The following ESRRG variants were observed in gnomAD, a reference collection of about 807,000 sequenced individuals.
ESRRG encodes the protein estrogen related receptor gamma, also known as estrogen-related receptor gamma.
A neutral mutation model predicts 44.0 loss-of-function variants in ESRRG; 13 were observed. The ratio of observed to expected loss-of-function variants is 0.30; its 90% CI spans 0.19 to 0.47. ESRRG has a LOEUF of 0.47. Among genes scored for constraint, ESRRG ranks in the 20% least tolerant of loss-of-function variants. ESRRG has a pLI of 1.00. For synonymous variants in ESRRG, 215 were observed against 214.6 expected (o/e 1.00, Z -0.02); for missense variants, 395 against 580.6 (o/e 0.68, Z 3.29).
At chr1:216,645,247 T>G (rs1385169790) in intron 3 of ESRRG, among the ~76,000 whole-genome samples, 1 of 152,116 alleles carries the variant, frequency 6.6e-6, no homozygotes, top group Admixed American at 6.6e-5. Flanking sequence ...AATTTTCAGT[T>G]AAGACAAAAT....
chr1:217,017,262 C>A (rs1890555), intron 1 of ESRRG, among the ~76,000 whole-genome samples: 22,501 of 151,946 alleles, frequency 0.15, 2,171 homozygotes, highest in East Asian at 0.21. Flanking sequence ...GGGGAAAATG[C>A]AATACATTAC....
chr1:216,959,759 A>G (rs1156797205), intron 1 of ESRRG: 6 of 152,122 alleles, frequency 3.9e-5, no homozygotes, highest in Admixed American at 3.9e-4. Flanking sequence ...CGTGAATCAA[A>G]TAGACTTCAT....
intron 1 of ESRRG, among the ~76,000 whole-genome samples, chr1:217,041,275 C>G (rs1467540984): frequency 6.6e-6 from 1 of 152,168 alleles, no homozygotes; most frequent in Admixed American, 6.5e-5. Flanking sequence ...AGCCTGCAAG[C>G]TGTGCCAAAA....
At chr1:216,889,997 G>A (rs1253448678) in intron 2 of ESRRG, among the ~76,000 whole-genome samples, 1 of 152,116 alleles carries the variant, frequency 6.6e-6, no homozygotes, top group African/African-American at 2.4e-5. Context: ...TGGGTATGGT[G>A]GCTCACATCT....
intron 2 of ESRRG, among the ~76,000 whole-genome samples, chr1:216,869,732 C>T (rs1403793345): frequency 1.3e-5 from 2 of 151,782 alleles, no homozygotes; most frequent in South Asian, 4.1e-4. Flanking sequence ...TTATTGCATC[C>T]ATATTTGTAG....
chr1:216,891,307 G>A (rs2057759558), intron 2 of ESRRG, among the ~76,000 whole-genome samples: 3 of 151,996 alleles, frequency 2.0e-5, no homozygotes, highest in South Asian at 2.1e-4. Flanking sequence ...TTAGTAAAAC[G>A]GTGAAGCTTA....
chr1:216,687,047 C>CTG (rs869071444), intron 1 of ESRRG, among the ~76,000 whole-genome samples: 4,674 of 30,994 alleles, frequency 0.15, 207 homozygotes, highest in African/African-American at 0.31. Context: ...GTGTGTGTGT[C>CTG]TGTGTGTGTG....
chr1:216,899,161 T>C (rs951898609), intron 2 of ESRRG, among the ~76,000 whole-genome samples: 1 of 152,202 alleles, frequency 6.6e-6, no homozygotes, highest in African/African-American at 2.4e-5. Context: ...AGAAACTTTA[T>C]AGATAATGAC....
At chr1:216,558,654 TC>T (rs559537182) in intron 5 of ESRRG, among the ~76,000 whole-genome samples, 103 of 152,124 alleles carry the variant, frequency 6.8e-4, no homozygotes, top group African/African-American at 2.4e-3. Flanking sequence ...GTATTTTTTT[TC>T]CTCATTTGAT....
intron 3 of ESRRG, among the ~76,000 whole-genome samples, chr1:216,569,096 G>GGAAGGAAGGAAGGAAGGAAGGAA (rs1553356044): frequency 1.2e-5 from 1 of 80,488 alleles, no homozygotes. Context: ...AAGGAAGGAA[G>GGAAGGAAGGAAGGAAGGAAGGAA]GAAGGAAGGA....
rs146188301 is a variant in ESRRG, at chr1:216,631,776, A to C, written c.589+19197T>G. On this transcript the variant is annotated intron_variant, in intron 3 of 6. Coordinates refer to ENST00000408911, the MANE Select transcript of ESRRG (RefSeq NM_001438.4). ...CACACATACACACATAGTAGAAATAATACAACTGTCTATTCTTTGTGAATA... is the reference window on the plus strand; with the variant it reads ...CACACATACACACATAGTAGAAATACTACAACTGTCTATTCTTTGTGAATA... Among the ~76,000 whole-genome samples the C allele has an allele frequency of 1.3e-4, 20 of 152,314 alleles. No individual in the cohort carries two copies. In the East Asian group the frequency reaches 3.9e-3, roughly 29 times the overall value.
At chr1:216,999,731 G>A (rs79502848) in intron 1 of ESRRG, among the ~76,000 whole-genome samples, 2 of 97,130 alleles carry the variant, frequency 2.1e-5, no homozygotes, top group Admixed American at 1.1e-4. Context: ...GAGAAGAAAT[G>A]TATTTTTGTT....
chr1:216,749,106 A>T (rs1297476607), intron 2 of ESRRG, among the ~76,000 whole-genome samples: 1 of 151,868 alleles, frequency 6.6e-6, no homozygotes, highest in East Asian at 1.9e-4. Context: ...ACCCAGCAGC[A>T]GCCTGTTTGC....
At chr1:216,526,739 T>G (rs1290156636) in intron 5 of ESRRG, among the ~76,000 whole-genome samples, 5 of 152,164 alleles carry the variant, frequency 3.3e-5, no homozygotes, top group African/African-American at 1.2e-4. Context: ...TAATTCAGAA[T>G]AACAAACCGA....
At chr1:216,784,410 A>G (rs2094047988) in intron 2 of ESRRG, among the ~76,000 whole-genome samples, 1 of 152,062 alleles carries the variant, frequency 6.6e-6, no homozygotes, top group Admixed American at 6.6e-5. Flanking sequence ...CATGAGTCAT[A>G]GTAAAAGAAA....
At chr1:216,705,033 T>G (rs2082172428) in intron 1 of ESRRG, among the ~76,000 whole-genome samples, 1 of 152,210 alleles carries the variant, frequency 6.6e-6, no homozygotes, top group Non-Finnish European at 1.5e-5. Flanking sequence ...AATAGTATGT[T>G]TAAACTTTCC....
At chr1:217,055,149 A>C (rs149851852) in intron 1 of ESRRG, among the ~76,000 whole-genome samples, 4 of 152,222 alleles carry the variant, frequency 2.6e-5, no homozygotes, top group Admixed American at 2.0e-4. Context: ...TCTTGCTTAC[A>C]AACCACCAAT....
intron 2 of ESRRG, among the ~76,000 whole-genome samples, chr1:216,781,133 T>C (rs1169571439): frequency 6.6e-6 from 1 of 152,018 alleles, no homozygotes; most frequent in Non-Finnish European, 1.5e-5. Context: ...AATAAGTATA[T>C]AGAAGATGAT....
intron 2 of ESRRG, among the ~76,000 whole-genome samples, chr1:216,752,254 G>A (rs534175088): frequency 2.4e-4 from 36 of 151,918 alleles, no homozygotes; most frequent in African/African-American, 5.8e-4. Context: ...AGCAGATTCC[G>A]CTTTTCTCTG....
Sources: allele counts gnomAD v4.1 joint callset (sites outside exome capture counted in the v4.1 genomes callset), GRCh38; gene constraint gnomAD v4.1.1; transcripts MANE v1.5; gene names NCBI Gene and HGNC (gene_info 2026-07-23, HGNC 2026-07-21).